TMEM178B: variants seen among roughly 807,000 people sequenced by gnomAD.
The protein encoded by TMEM178B is transmembrane protein 178B.
A neutral mutation model predicts 31.0 loss-of-function variants in TMEM178B; 5 were observed. The observed-to-expected ratio is 0.16, with a 90% CI of 0.08 to 0.34. The LOEUF (loss-of-function observed/expected upper bound fraction) is 0.34, where lower values mean the gene tolerates loss of function less well. Ranked by LOEUF, TMEM178B falls within the 10% of genes least tolerant of loss-of-function variation. TMEM178B has a pLI of 1.00. For missense variants in TMEM178B, 275 were observed against 400.3 expected, an observed-to-expected ratio of 0.69 and a Z score of 2.67; for synonymous variants, 164 against 164.0, an observed-to-expected ratio of 1.00 and a Z score of 0.00.
At chr7:141,398,973 G>A (rs572429038) in intron 2 of TMEM178B, among the ~76,000 whole-genome samples, 3 of 152,310 alleles carry the variant, frequency 2.0e-5, no homozygotes, top group South Asian at 4.2e-4. Context: ...AAAATACGCC[G>A]TCTCCCCAGT....
intron 2 of TMEM178B, among the ~76,000 whole-genome samples, chr7:141,321,611 G>A (rs933292723): frequency 1.3e-5 from 2 of 152,060 alleles, no homozygotes; most frequent in Admixed American, 6.5e-5. Context: ...CCGTGGCTCC[G>A]TTACTTGTAA....
intron 2 of TMEM178B, among the ~76,000 whole-genome samples, chr7:141,265,985 G>A (rs35155722): frequency 0.052 from 7,873 of 152,236 alleles, 272 homozygotes; most frequent in East Asian, 0.14. Context: ...GCCTGACTGA[G>A]GGATCAGAGT....
chr7:141,331,611 A>G (rs1799301534), intron 2 of TMEM178B, among the ~76,000 whole-genome samples: 2 of 152,322 alleles, frequency 1.3e-5, no homozygotes, highest in East Asian at 1.9e-4. Flanking sequence ...GAGACAAAAA[A>G]TTGGATATAA....
At chr7:141,292,712 A>G (rs781518084) in intron 2 of TMEM178B, among the ~76,000 whole-genome samples, 2 of 136,616 alleles carry the variant, frequency 1.5e-5, no homozygotes, top group African/African-American at 2.8e-5. Context: ...ACCTCGGCTC[A>G]CTGCAACCTC....
the TMEM178B span, among the ~76,000 whole-genome samples, chr7:141,497,756 ACTG>A: frequency 2.0e-5 from 3 of 152,204 alleles, no homozygotes; most frequent in Non-Finnish European, 4.4e-5. Context: ...ACTCTTAGAA[ACTG>A]CGGCATGATA....
intron 2 of TMEM178B, among the ~76,000 whole-genome samples, chr7:141,375,680 G>A (rs574404875): frequency 9.9e-5 from 15 of 152,234 alleles, no homozygotes; most frequent in Non-Finnish European, 2.1e-4. Context: ...TGGAGGCTAC[G>A]GTTATTAAAT....
intron 1 of TMEM178B, among the ~76,000 whole-genome samples, chr7:141,120,358 A>T (rs1281261879): frequency 6.6e-6 from 1 of 152,244 alleles, no homozygotes; most frequent in Non-Finnish European, 1.5e-5. Context: ...GACTATTTTA[A>T]AAGTTTCTAT....
chr7:141,129,895 C>A (rs1795566445), intron 1 of TMEM178B, among the ~76,000 whole-genome samples: 1 of 152,124 alleles, frequency 6.6e-6, no homozygotes, highest in Non-Finnish European at 1.5e-5. Flanking sequence ...TTCCAGTTGA[C>A]AATTTGTTGA....
At position 141,305,490 on chromosome 7, in the gene TMEM178B, C is replaced by T. The variant is rs188333694; in HGVS notation, c.496+92786C>T. Among the ~76,000 whole-genome samples the T allele has an allele frequency of 1.1e-3, 166 of 151,744 alleles. 1 individual carries two copies. Among genetic ancestry groups the T allele is most frequent in the Non-Finnish European group, 1.7e-3 (118 of 67,938 alleles). ...TCACCCAGGCTGGAGTGCAGTGGTG[C>T]GATCTCGGCTCACTTCAACCCCCGC... On this transcript the variant is annotated intron_variant, in intron 2 of 3. Coordinates refer to ENST00000565468, the MANE Select transcript of TMEM178B (RefSeq NM_001195278.2).
At chr7:141,238,845 A>G (rs1797570699) in intron 2 of TMEM178B, among the ~76,000 whole-genome samples, 1 of 152,226 alleles carries the variant, frequency 6.6e-6, no homozygotes. Context: ...AAGGAACAGA[A>G]TGAAATTAAT....
chr7:141,083,494 A>AGG (rs1202684185), intron 1 of TMEM178B, among the ~76,000 whole-genome samples: 2 of 130,440 alleles, frequency 1.5e-5, no homozygotes, highest in Non-Finnish European at 3.4e-5. Flanking sequence ...AGGGAGGGAG[A>AGG]GAGAGAGAGA....
chr7:141,332,122 C>T (rs1799309774), intron 2 of TMEM178B, among the ~76,000 whole-genome samples: 1 of 152,176 alleles, frequency 6.6e-6, no homozygotes, highest in Non-Finnish European at 1.5e-5. Context: ...TAACTGAACT[C>T]ATGGTTCTGA....
intron 3 of TMEM178B, among the ~76,000 whole-genome samples, chr7:141,455,932 G>A (rs1801953708): frequency 6.6e-6 from 1 of 152,214 alleles, no homozygotes; most frequent in Admixed American, 6.5e-5. Flanking sequence ...AATTAACATG[G>A]CATTGGCTTG....
chr7:141,213,045 C>T (rs1449004105), intron 2 of TMEM178B, among the ~76,000 whole-genome samples: 1 of 152,178 alleles, frequency 6.6e-6, no homozygotes, highest in Non-Finnish European at 1.5e-5. Context: ...TAATTCCAGC[C>T]TGTCTTCAAG....
At chr7:141,356,078 T>C (rs1799812867) in intron 2 of TMEM178B, among the ~76,000 whole-genome samples, 1 of 152,244 alleles carries the variant, frequency 6.6e-6, no homozygotes, top group Non-Finnish European at 1.5e-5. Flanking sequence ...TATTCTATGG[T>C]GTATATGTAC....
intron 1 of TMEM178B, among the ~76,000 whole-genome samples, chr7:141,091,734 T>C (rs1794883858): frequency 6.6e-6 from 1 of 152,170 alleles, no homozygotes; most frequent in Admixed American, 6.5e-5. Flanking sequence ...GAATGTACTT[T>C]GTTAATTTTT....
chr7:141,351,775 ACC>A (rs954235150), intron 2 of TMEM178B, among the ~76,000 whole-genome samples: 28 of 152,232 alleles, frequency 1.8e-4, no homozygotes, highest in African/African-American at 6.7e-4. Flanking sequence ...CCTTTTTAGC[ACC>A]CCCCAACTTC....
intron 2 of TMEM178B, among the ~76,000 whole-genome samples, chr7:141,398,066 G>A (rs900689262): frequency 2.0e-5 from 3 of 152,156 alleles, no homozygotes; most frequent in African/African-American, 4.8e-5. Flanking sequence ...GGTAGGAGAG[G>A]TCACCAAGGC....
chr7:141,272,040 C>T (rs1455265875), intron 2 of TMEM178B, among the ~76,000 whole-genome samples: 1 of 152,172 alleles, frequency 6.6e-6, no homozygotes, highest in Non-Finnish European at 1.5e-5. Flanking sequence ...AAGTCCTACC[C>T]CCTCTTTGGA....
Sources: gnomAD v4.1 joint callset for allele counts (sites outside exome capture counted in the v4.1 genomes callset) on GRCh38, gnomAD v4.1.1 for gene constraint, MANE v1.5 for transcripts, NCBI Gene and HGNC (gene_info 2026-07-23, HGNC 2026-07-21) for gene names.